The following ZNF423 variants were observed in gnomAD, a reference collection of about 807,000 sequenced individuals.
ZNF423 encodes the protein Ebf-associated zinc finger protein.
In ZNF423, 12 loss-of-function variants were observed where a neutral mutation model predicts 95.8. The ratio of observed to expected loss-of-function variants is 0.13; its 90% CI spans 0.08 to 0.20. The LOEUF is 0.20. Among genes scored for constraint, ZNF423 ranks in the 10% least tolerant of loss-of-function variants. The probability of loss-of-function intolerance (pLI) is 1.00; values close to 1 mark genes in which losing one functional copy is unlikely to be tolerated. For missense variants in ZNF423, 1,316 were observed against 1,737.1 expected, an observed-to-expected ratio of 0.76 and a Z score of 4.31; for synonymous variants, 749 against 711.9, an observed-to-expected ratio of 1.05 and a Z score of -0.83.
In ZNF423 at chr16:49,854,844, A is replaced by G. The variant is rs376634721; in HGVS notation, c.40+891T>C. 1,106 of 985,278 alleles carry G rather than the reference A, an allele frequency of 1.1e-3. 16 individuals are homozygous for G. The African/African-American group carries it at 0.018, about 16-fold the overall frequency. 61.0% of individuals were successfully genotyped at this position (985,278 alleles called of 1,614,324 possible). A position where few individuals can be genotyped will look rare whatever the true frequency, so the allele number is the denominator to read the frequency against. Reference sequence around the variant, plus strand: ...CGAAGGGATGGGTGTGTGTATCTATATATCTGCAGCTCCCCACAAACGCGC... The same window carrying G: ...CGAAGGGATGGGTGTGTGTATCTATGTATCTGCAGCTCCCCACAAACGCGC... On this transcript the variant is annotated intron_variant, in intron 1 of 7. Transcript: ENST00000563137.
chr16:49,665,829 G>T (rs974764742), intron 3 of ZNF423, among the ~76,000 whole-genome samples: 8 of 152,130 alleles, frequency 5.3e-5, no homozygotes, highest in African/African-American at 1.9e-4. Context: ...AAGACAGAAG[G>T]GAGACCTGAA....
chr16:49,521,803 C>A (rs1170049987), intron 7 of ZNF423, among the ~76,000 whole-genome samples: 4 of 152,232 alleles, frequency 2.6e-5, no homozygotes, highest in Admixed American at 2.6e-4. Context: ...GCCTACCTAG[C>A]CCTGGCATGG....
chr16:49,710,786 A>G (rs1259841101), intron 3 of ZNF423, among the ~76,000 whole-genome samples: 1 of 152,210 alleles, frequency 6.6e-6, no homozygotes, highest in Non-Finnish European at 1.5e-5. Context: ...ATGCTAAGGA[A>G]CACTGTTTAA....
chr16:49,669,195 GGC>G (rs1333920050), intron 3 of ZNF423, among the ~76,000 whole-genome samples: 8 of 152,010 alleles, frequency 5.3e-5, no homozygotes, highest in Admixed American at 3.9e-4. Flanking sequence ...CAGGTGTGGT[GGC>G]GCACACCTGT....
intron 5 of ZNF423, among the ~76,000 whole-genome samples, chr16:49,564,318 CA>C (rs34542336): frequency 3.5e-4 from 52 of 149,130 alleles, no homozygotes; most frequent in Admixed American, 1.4e-3. Context: ...AAGTACATAT[CA>C]AAAAAAAAAG....
chr16:49,819,167 G>A (rs1025964403), intron 1 of ZNF423, among the ~76,000 whole-genome samples: 13 of 148,984 alleles, frequency 8.7e-5, no homozygotes, highest in South Asian at 4.3e-4. Flanking sequence ...GCAGAATGGC[G>A]TGAACCCGGG....
chr16:49,577,772 A>G (rs1970543736), intron 5 of ZNF423, among the ~76,000 whole-genome samples: 1 of 152,220 alleles, frequency 6.6e-6, no homozygotes, highest in Admixed American at 6.5e-5. Flanking sequence ...GGAGACCTCC[A>G]CTGTAGAAGC....
chr16:49,834,778 G>A (rs763580962), intron 1 of ZNF423, among the ~76,000 whole-genome samples: 15 of 152,060 alleles, frequency 9.9e-5, no homozygotes, highest in Non-Finnish European at 1.8e-4. Context: ...TCCAGAGCCC[G>A]CCCCAGGGGA....
chr16:49,491,375 T>C, intron 7 of ZNF423, 71 bp from the exon 8 acceptor site: 2 of 1,581,840 alleles, frequency 1.3e-6, no homozygotes, highest in East Asian at 2.2e-5. Flanking sequence ...TCCCACTCAG[T>C]GCATTTACGC....
At chr16:49,538,501 C>T (rs769909407) in intron 5 of ZNF423, among the ~76,000 whole-genome samples, 4 of 152,214 alleles carry the variant, frequency 2.6e-5, no homozygotes, top group Admixed American at 2.6e-4. Flanking sequence ...AGACACACTG[C>T]CTGGATAATC....
At chr16:49,732,628 C>T (rs2033195860) in intron 2 of ZNF423, among the ~76,000 whole-genome samples, 1 of 152,222 alleles carries the variant, frequency 6.6e-6, no homozygotes, top group African/African-American at 2.4e-5. Flanking sequence ...AGTGCACAAC[C>T]TGCAAACCCC....
rs1195390174 is a variant in ZNF423 at position 49,489,450 on chromosome 16, CT to C, written c.*1824del. 1.3e-5 allele frequency: 2 copies of C among 152,372 alleles called. No individual in the cohort carries two copies. Among genetic ancestry groups the C allele is most frequent in the East Asian group, 3.9e-4 (2 of 5,182 alleles). 9.4% of individuals were successfully genotyped at this position (152,372 alleles called of 1,614,324 possible). ...GAGGCTGAAAATTGGCATTCACAGCCTTCAGTTTCCAGGAGGCAACAGCCCA... is the reference window on the plus strand; with the variant it reads ...GAGGCTGAAAATTGGCATTCACAGCCTCAGTTTCCAGGAGGCAACAGCCCA... On this transcript the variant is annotated 3_prime_UTR_variant, in exon 8 of 8. Transcript: ENST00000563137.
At chr16:49,764,041 G>T (rs1439788537) in intron 2 of ZNF423, among the ~76,000 whole-genome samples, 1 of 152,224 alleles carries the variant, frequency 6.6e-6, no homozygotes, top group African/African-American at 2.4e-5. Flanking sequence ...AAGGGGCTGT[G>T]TCTGTGAGTC....
intron 3 of ZNF423, among the ~76,000 whole-genome samples, chr16:49,639,823 C>A (rs1314101019): frequency 1.3e-5 from 2 of 152,176 alleles, no homozygotes; most frequent in Non-Finnish European, 2.9e-5. Context: ...CGTTTGCTGG[C>A]CCGGCTAGCC....
At chr16:49,520,132 G>C (rs1968331393) in intron 7 of ZNF423, among the ~76,000 whole-genome samples, 1 of 152,120 alleles carries the variant, frequency 6.6e-6, no homozygotes, top group African/African-American at 2.4e-5. Flanking sequence ...CTAGAATGCA[G>C]ACCCCGTGGG....
chr16:49,681,455 T>C (rs1781935905), intron 3 of ZNF423, among the ~76,000 whole-genome samples: 1 of 152,240 alleles, frequency 6.6e-6, no homozygotes, highest in African/African-American at 2.4e-5. Flanking sequence ...CGCTGCCAAG[T>C]TCACATCAGC....
At chr16:49,502,899 C>A (rs1350891976) in intron 7 of ZNF423, among the ~76,000 whole-genome samples, 1 of 104,358 alleles carries the variant, frequency 9.6e-6, no homozygotes, top group Non-Finnish European at 1.8e-5. Context: ...TCCCCACAAT[C>A]CCATGTGCAC....
chr16:49,730,000 T>C (rs910223627), intron 3 of ZNF423, among the ~76,000 whole-genome samples: 7 of 152,116 alleles, frequency 4.6e-5, no homozygotes, highest in Non-Finnish European at 8.8e-5. Flanking sequence ...AGGAAGACTG[T>C]GTAAGGAACA....
chr16:49,735,727 A>T (rs2033270969), intron 2 of ZNF423, among the ~76,000 whole-genome samples: 1 of 152,158 alleles, frequency 6.6e-6, no homozygotes, highest in Non-Finnish European at 1.5e-5. Flanking sequence ...GAGAGAGCAC[A>T]TAGGGGCTCC....
Sources: allele counts gnomAD v4.1 joint callset (sites outside exome capture counted in the v4.1 genomes callset), GRCh38; gene constraint gnomAD v4.1.1; transcripts MANE v1.5; gene names NCBI Gene and HGNC (gene_info 2026-07-23, HGNC 2026-07-21).